Variants in HERC3 observed in about 807,000 individuals in gnomAD.
HERC3 encodes probable E3 ubiquitin-protein ligase HERC3.
HERC3 carries 58 observed loss-of-function variants against 129.9 expected under a neutral mutation model. That is an observed-to-expected ratio of 0.45 (90% CI 0.36 to 0.56). The LOEUF (loss-of-function observed/expected upper bound fraction) is 0.56, where lower values mean the gene tolerates loss of function less well. Among genes scored for constraint, HERC3 ranks in the 20% least tolerant of loss-of-function variants. The pLI is 0.00. For synonymous variants in HERC3, 430 were observed against 451.0 expected, an observed-to-expected ratio of 0.95 and a Z score of 0.59; for missense variants, 835 against 1,244.2, an observed-to-expected ratio of 0.67 and a Z score of 4.95.
At chr4:88,570,854 C>T in the HERC3 span, among the ~76,000 whole-genome samples, 2 of 151,896 alleles carry the variant, frequency 1.3e-5, no homozygotes, top group African/African-American at 4.8e-5. Flanking sequence ...CCCGGGTTCA[C>T]GCCATTCTCC....
chr4:88,662,326 A>G, intron 10 of HERC3, 105 bp from the exon 11 acceptor site: 1 of 1,148,552 alleles, frequency 8.7e-7, no homozygotes, highest in South Asian at 1.5e-5. Flanking sequence ...TGCAGCATTT[A>G]GATCATAAGT....
rs1217310128 is a variant in HERC3 at position 88,602,035 on chromosome 4, G to A, written c.-29-3760G>A. On this transcript the variant is annotated intron_variant, in intron 2 of 25. Coordinates refer to ENST00000402738, the MANE Select transcript of HERC3 (RefSeq NM_014606.3). ...CCCGCCACTGCACTCCAGCCTGGGC[G>A]ACAGAGCGAGACTCCGTCTCAAAAA... 7.6e-5 allele frequency among the ~76,000 whole-genome samples: 6 copies of A among 78,640 alleles called. 1 individual carries two copies. The highest frequency in any genetic ancestry group is 4.6e-4 in the African/African-American group (2 of 4,338). 51.6% of individuals were successfully genotyped at this position (78,640 alleles called of 152,430 possible). A position where few individuals can be genotyped will look rare whatever the true frequency, so the allele number is the denominator to read the frequency against.
intron 3 of HERC3, among the ~76,000 whole-genome samples, chr4:88,621,526 T>C (rs1238758407): frequency 1.2e-4 from 19 of 152,264 alleles, no homozygotes; most frequent in Admixed American, 1.2e-3. Flanking sequence ...CTCTATTTTA[T>C]AGAATTATTT....
chr4:88,706,828 C>T lies in HERC3; in HGVS notation c.3021C>T (p.Ser1007=), dbSNP rs144613438. 254 of 1,614,100 alleles carry T rather than the reference C, an allele frequency of 1.6e-4. 2 individuals carry two copies. Among genetic ancestry groups the T allele is most frequent in the South Asian group, 6.5e-4 (59 of 91,070 alleles). ...AGATTGTCATCCAGTCCACAGCCAG[C>T]GGGGAGGAGTACTTGCCGGTGGCCC... is the stretch of plus-strand genomic sequence containing the variant. ...SLQIVIQSTA[S]GEEYLPVAHT... The change falls in exon 26 of 26, where the codon AGC becomes AGT. Residue 1007 remains serine, a synonymous_variant. Transcript: ENST00000402738.
chr4:88,543,844 C>A, the HERC3 span, among the ~76,000 whole-genome samples: 1 of 151,916 alleles, frequency 6.6e-6, no homozygotes, highest in Non-Finnish European at 1.5e-5. Flanking sequence ...TAATAAATGG[C>A]GTTGGGAAAA....
the HERC3 span, among the ~76,000 whole-genome samples, chr4:88,567,470 TCTTA>T: frequency 5.9e-5 from 9 of 152,288 alleles, no homozygotes; most frequent in African/African-American, 2.2e-4. Context: ...CTTCATTCTT[TCTTA>T]TTCTTTTTTC....
chr4:88,531,534 T>C, the HERC3 span, among the ~76,000 whole-genome samples: 1 of 152,240 alleles, frequency 6.6e-6, no homozygotes, highest in Admixed American at 6.5e-5. Context: ...ATAAAAAATT[T>C]GCAGTTCTTT....
intron 12 of HERC3, among the ~76,000 whole-genome samples, chr4:88,665,650 C>T (rs1219891997): frequency 6.6e-6 from 1 of 152,138 alleles, no homozygotes; most frequent in East Asian, 1.9e-4. Context: ...CTGGGTATTC[C>T]TTAATCTAGT....
chr4:88,645,932 G>A (rs918017719), intron 3 of HERC3, among the ~76,000 whole-genome samples: 8 of 152,294 alleles, frequency 5.3e-5, no homozygotes, highest in Admixed American at 2.0e-4. Flanking sequence ...GTGAACAGAC[G>A]ATGAGGAAAA....
chr4:88,633,222 T>C (rs115492683), intron 3 of HERC3, among the ~76,000 whole-genome samples: 27 of 152,190 alleles, frequency 1.8e-4, no homozygotes, highest in South Asian at 1.0e-3. Flanking sequence ...TACTAAATAA[T>C]AGCAAAATGA....
chr4:88,526,738 GC>G, the HERC3 span, among the ~76,000 whole-genome samples: 14 of 152,120 alleles, frequency 9.2e-5, no homozygotes, highest in African/African-American at 3.4e-4. Context: ...GTTTCATGTT[GC>G]CCAGGCTGGT....
the HERC3 span, among the ~76,000 whole-genome samples, chr4:88,559,959 G>GAAT: frequency 7.7e-6 from 1 of 129,632 alleles, no homozygotes; most frequent in Non-Finnish European, 1.5e-5. Context: ...TGTTATTTTT[G>GAAT]ATTTTTTTTT....
intron 3 of HERC3, among the ~76,000 whole-genome samples, chr4:88,610,645 G>A (rs889824966): frequency 6.6e-6 from 1 of 152,126 alleles, no homozygotes; most frequent in African/African-American, 2.4e-5. Flanking sequence ...CTATCAGGCA[G>A]CCTCACTGCA....
the HERC3 span, among the ~76,000 whole-genome samples, chr4:88,577,193 C>G: frequency 6.6e-6 from 1 of 152,138 alleles, no homozygotes; most frequent in Non-Finnish European, 1.5e-5. Flanking sequence ...GAAAATAGGC[C>G]TCTGTTTTGG....
At chr4:88,687,535 C>T (rs995118748) in intron 23 of HERC3, among the ~76,000 whole-genome samples, 2 of 152,296 alleles carry the variant, frequency 1.3e-5, no homozygotes, top group Non-Finnish European at 2.9e-5. Flanking sequence ...TTGGCTTTGA[C>T]TCTGAGCAAG....
At chr4:88,529,910 C>CAA in the HERC3 span, among the ~76,000 whole-genome samples, 1 of 152,076 alleles carries the variant, frequency 6.6e-6, no homozygotes, top group African/African-American at 2.4e-5. Context: ...TATTTCAAAA[C>CAA]TATTGATTCG....
At chr4:88,570,268 T>G in the HERC3 span, among the ~76,000 whole-genome samples, 23 of 152,116 alleles carry the variant, frequency 1.5e-4, no homozygotes, top group Non-Finnish European at 3.1e-4. Context: ...TTTTTCTCAA[T>G]AAAAAATAAG....
chr4:88,653,421 G>T (rs575984953), intron 6 of HERC3, among the ~76,000 whole-genome samples: 1 of 152,350 alleles, frequency 6.6e-6, no homozygotes, highest in Non-Finnish European at 1.5e-5. Flanking sequence ...AAATGTTCCT[G>T]TCAGAGAGAA....
At chr4:88,578,398 A>G in the HERC3 span, among the ~76,000 whole-genome samples, 3 of 152,182 alleles carry the variant, frequency 2.0e-5, no homozygotes, top group East Asian at 5.8e-4. Context: ...CCTGGCCAAC[A>G]TGGTGAAACC....
Sources: gnomAD v4.1 joint callset for allele counts (sites outside exome capture counted in the v4.1 genomes callset) on GRCh38, gnomAD v4.1.1 for gene constraint, MANE v1.5 for transcripts, NCBI Gene and HGNC (gene_info 2026-07-23, HGNC 2026-07-21) for gene names.